The following SH3RF2 variants were observed in gnomAD, a reference collection of about 807,000 sequenced individuals.
SH3RF2 encodes E3 ubiquitin-protein ligase SH3RF2.
In SH3RF2, 43 loss-of-function variants were observed where a neutral mutation model predicts 59.0. That is an observed-to-expected ratio of 0.73 (90% CI 0.57 to 0.94). The LOEUF is 0.94. SH3RF2 is among the 40% of genes least tolerant of loss of function. SH3RF2 has a pLI of 0.00. For missense variants in SH3RF2, 930 were observed against 940.1 expected (o/e 0.99, Z 0.14); for synonymous variants, 391 against 391.5 (o/e 1.00, Z 0.01).
At chr5:146,004,497 G>A (rs1251124540) in intron 4 of SH3RF2, among the ~76,000 whole-genome samples, 1 of 152,112 alleles carries the variant, frequency 6.6e-6, no homozygotes, top group African/African-American at 2.4e-5. Flanking sequence ...AAAGATAGAT[G>A]TACAAAATAT....
chr5:146,030,984 T>C (rs544267131), intron 5 of SH3RF2, among the ~76,000 whole-genome samples: 1 of 152,224 alleles, frequency 6.6e-6, no homozygotes, highest in South Asian at 2.1e-4. Flanking sequence ...CTTTAGAGAG[T>C]TTGCAGATCC....
chr5:146,057,009 T>C (rs1762695218), intron 8 of SH3RF2, among the ~76,000 whole-genome samples: 1 of 152,232 alleles, frequency 6.6e-6, no homozygotes, highest in Non-Finnish European at 1.5e-5. Context: ...AAAATCAAGA[T>C]TTTATTTTCT....
intron 5 of SH3RF2, among the ~76,000 whole-genome samples, chr5:146,036,151 G>A (rs1761929310): frequency 1.3e-5 from 2 of 152,158 alleles, no homozygotes; most frequent in South Asian, 4.1e-4. Flanking sequence ...TGTGTACCCT[G>A]GCATTTCAAA....
chr5:146,045,244 A>G (rs144917467), intron 5 of SH3RF2, among the ~76,000 whole-genome samples: 209 of 152,328 alleles, frequency 1.4e-3, no homozygotes, highest in Non-Finnish European at 2.2e-3. Flanking sequence ...ATCTGATTAC[A>G]AACTCAGAAC....
chr5:146,015,050 GT>G (rs748853293), intron 5 of SH3RF2, among the ~76,000 whole-genome samples: 1 of 152,076 alleles, frequency 6.6e-6, no homozygotes, highest in African/African-American at 2.4e-5. Context: ...GTGCTGATGT[GT>G]TTTTTCTTTT....
At position 146,060,040 on chromosome 5, in the gene SH3RF2, C is replaced by A. The variant is rs543563186; in HGVS notation, c.1730C>A (p.Thr577Lys). ...VVEMGSKPAL[T>K]GEPALTCISR... ...GAGATGGGGTCCAAGCCTGCCCTCA[C>A]GGGGGAGCCCGCCCTCACGTGCATC... Residue 577 changes from threonine (T) to lysine (K), a missense_variant, in exon 9 of 10, where the codon ACG (threonine) becomes AAG (lysine). Coordinates refer to ENST00000359120, the MANE Select transcript of SH3RF2 (RefSeq NM_152550.4). 3.7e-6 allele frequency: 6 copies of A among 1,612,372 alleles called. No homozygotes were observed. In the Admixed American group the frequency reaches 5.0e-5, roughly 13 times the overall value.
intron 5 of SH3RF2, among the ~76,000 whole-genome samples, chr5:146,016,545 G>A (rs938965748): frequency 3.3e-5 from 5 of 152,082 alleles, no homozygotes; most frequent in Admixed American, 1.3e-4. Flanking sequence ...TGTAGGGGAG[G>A]TATTATCAAC....
chr5:146,028,401 C>A (rs1761618767), intron 5 of SH3RF2, among the ~76,000 whole-genome samples: 1 of 152,202 alleles, frequency 6.6e-6, no homozygotes. Context: ...TCAGTTTCAC[C>A]ATCTCAAATG....
chr5:146,059,894 C>T lies in SH3RF2; in HGVS notation c.1584C>T (p.Ser528=), dbSNP rs780739971. The T allele has an allele frequency of 8.0e-6, 12 of 1,496,760 alleles. No individual in the cohort carries two copies. Among genetic ancestry groups the T allele is most frequent in the Admixed American group, 4.7e-5 (2 of 42,212 alleles). The allele number at this position is 1,496,760 out of a possible 1,614,324, so 92.7% of individuals were successfully genotyped here. ...KNGSLQRPLQ[S]GIPTLVVGSL... The stretch of plus-strand genomic sequence containing the variant: ...GATCCCTGCAGAGACCCCTCCAGTC[C>T]GGGATCCCCACTCTCGTGGTAGGCT... Residue 528 remains serine (S), a synonymous_variant, in exon 9 of 10, where the codon TCC becomes TCT. Coordinates refer to ENST00000359120, the MANE Select transcript of SH3RF2 (RefSeq NM_152550.4).
intron 9 of SH3RF2, among the ~76,000 whole-genome samples, chr5:146,076,257 T>C (rs1476109142): frequency 1.3e-5 from 2 of 152,252 alleles, no homozygotes; most frequent in East Asian, 3.9e-4. Context: ...GATGCTGTAA[T>C]CTGGGAGGGG....
intron 5 of SH3RF2, among the ~76,000 whole-genome samples, chr5:146,026,054 G>A (rs1386199181): frequency 6.6e-6 from 1 of 152,138 alleles, no homozygotes; most frequent in African/African-American, 2.4e-5. Flanking sequence ...TGGGCCAAAC[G>A]TTTTAAAATC....
chr5:145,993,040 A>G (rs945569584), intron 2 of SH3RF2, among the ~76,000 whole-genome samples: 1 of 152,172 alleles, frequency 6.6e-6, no homozygotes, highest in East Asian at 1.9e-4. Context: ...GTGGGGGTAC[A>G]GGCATTGGGT....
At chr5:145,973,810 G>A (rs1172179066) in intron 2 of SH3RF2, among the ~76,000 whole-genome samples, 6 of 152,214 alleles carry the variant, frequency 3.9e-5, no homozygotes, top group Non-Finnish European at 7.3e-5. Context: ...TGGAATTAGT[G>A]AATTAGTTGA....
chr5:145,989,511 T>A lies in SH3RF2; in HGVS notation c.379-10547T>A, dbSNP rs528467461. 7.2e-5 allele frequency among the ~76,000 whole-genome samples: 11 copies of A among 152,308 alleles called. No individual in the cohort carries two copies. In the East Asian group the frequency reaches 2.1e-3, roughly 29 times the overall value. On this transcript the variant is annotated intron_variant, in intron 2 of 9. Transcript: ENST00000359120. ...GAGGCAGAGATGCTTCAGACACAAATCCTGAATTCTCCAGCAGCAGATAAC... is the reference window on the plus strand; with the variant it reads ...GAGGCAGAGATGCTTCAGACACAAAACCTGAATTCTCCAGCAGCAGATAAC...
intron 2 of SH3RF2, among the ~76,000 whole-genome samples, chr5:145,995,010 A>T (rs1218121272): frequency 6.6e-6 from 1 of 151,512 alleles, no homozygotes; most frequent in African/African-American, 2.4e-5. Context: ...TAAATAATAA[A>T]AAAAAAGCCT....
chr5:145,987,314 C>A (rs1384119178), intron 2 of SH3RF2, among the ~76,000 whole-genome samples: 1 of 152,088 alleles, frequency 6.6e-6, no homozygotes, highest in South Asian at 2.1e-4. Context: ...ATATACTGCA[C>A]CTTATTTGAG....
At chr5:146,059,777 G>A in intron 8 of SH3RF2, 89 bp from the exon 9 acceptor site, 1 of 887,486 alleles carries the variant, frequency 1.1e-6, no homozygotes. Context: ...TGTCTATTCT[G>A]GGATATCAGG....
intron 5 of SH3RF2, among the ~76,000 whole-genome samples, chr5:146,046,685 T>C (rs9325002): frequency 0.28 from 42,995 of 152,098 alleles, 7,700 homozygotes; most frequent in Non-Finnish European, 0.38. Context: ...GAAACACTCA[T>C]AATCTGTGAT....
At chr5:145,988,721 A>T (rs1346576541) in intron 2 of SH3RF2, among the ~76,000 whole-genome samples, 1 of 152,158 alleles carries the variant, frequency 6.6e-6, no homozygotes, top group East Asian at 1.9e-4. Flanking sequence ...AGGGATTTCC[A>T]CTTGGTAAGA....
Sources: gnomAD v4.1 joint callset for allele counts (sites outside exome capture counted in the v4.1 genomes callset) on GRCh38, gnomAD v4.1.1 for gene constraint, MANE v1.5 for transcripts, NCBI Gene and HGNC (gene_info 2026-07-23, HGNC 2026-07-21) for gene names.